The following MYO1D variants were observed in gnomAD, a reference collection of about 807,000 sequenced individuals.
MYO1D encodes unconventional myosin-Id.
Under a neutral mutation model 122.0 loss-of-function variants are expected in MYO1D, and 83 were observed. The ratio of observed to expected loss-of-function variants is 0.68; its 90% CI spans 0.57 to 0.82. MYO1D has a LOEUF of 0.82. Ranked by LOEUF, MYO1D falls within the 40% of genes least tolerant of loss-of-function variation. The pLI, the probability that MYO1D is intolerant of heterozygous loss-of-function variation, is 0.00. For synonymous variants in MYO1D, 464 were observed against 446.9 expected (o/e 1.04, Z -0.48); for missense variants, 1,157 against 1,269.5 (o/e 0.91, Z 1.35).
Position 32,760,449 on chromosome 17 carries a change from G to A in MYO1D, c.1181+33C>T, listed in dbSNP as rs770273662. The A allele has an allele frequency of 3.1e-6, 5 of 1,605,196 alleles. No individual in the cohort carries two copies. In the South Asian group the frequency reaches 3.3e-5, roughly 11 times the overall value. On this transcript the variant is annotated intron_variant, in intron 9 of 21. Transcript: ENST00000318217. ...TTAAGTTTCAACAAATAGAAAACAG[G>A]CAACAAGGTTTTAAGTATCTTTTCC...
intron 21 of MYO1D, among the ~76,000 whole-genome samples, chr17:32,541,061 T>C (rs1910826240): frequency 6.6e-6 from 1 of 152,270 alleles, no homozygotes; most frequent in South Asian, 2.1e-4. Flanking sequence ...GTTAAAGATA[T>C]GGTTTACTAT....
chr17:32,772,959 G>C (rs965797103), intron 4 of MYO1D, 117 bp from the exon 5 acceptor site: 1 of 769,026 alleles, frequency 1.3e-6, no homozygotes, highest in African/African-American at 1.7e-5. Flanking sequence ...TATACATCCA[G>C]ATGGCCTGAA....
intron 21 of MYO1D, among the ~76,000 whole-genome samples, chr17:32,552,060 T>A (rs1310502726): frequency 6.6e-6 from 1 of 152,204 alleles, no homozygotes; most frequent in Non-Finnish European, 1.5e-5. Context: ...GCAGTCAAGC[T>A]TTACTTATGC....
chr17:32,772,639 G>C, intron 5 of MYO1D, 150 bp downstream of exon 5: 1 of 657,980 alleles, frequency 1.5e-6, no homozygotes, highest in South Asian at 1.8e-5. Flanking sequence ...GGCAGGGCAT[G>C]TGGTGCGTGC....
Position 32,775,724 on chromosome 17 carries a change from T to C in MYO1D, c.564+140A>G, listed in dbSNP as rs146084672. The C allele has an allele frequency of 6.2e-5, 48 of 773,466 alleles. No individual in the cohort carries two copies. In the Admixed American group the frequency reaches 1.5e-3, roughly 24 times the overall value. The allele number at this position is 773,466 out of a possible 1,614,324, so 47.9% of individuals were successfully genotyped here. On this transcript the variant is annotated intron_variant, in intron 4 of 21. Transcript: ENST00000318217. ...CTAAGAAGAGAAGACAAAAGGAGAA[T>C]ACCTTATCATAAAAAGCTAATGAAG... is the stretch of plus-strand genomic sequence containing the variant.
chr17:32,836,165 T>C (rs2090820899), intron 1 of MYO1D, among the ~76,000 whole-genome samples: 1 of 152,232 alleles, frequency 6.6e-6, no homozygotes, highest in South Asian at 2.1e-4. Flanking sequence ...TTGCAACATA[T>C]AATATTTTTA....
chr17:32,554,926 C>G (rs2087054998), intron 21 of MYO1D, among the ~76,000 whole-genome samples: 1 of 152,134 alleles, frequency 6.6e-6, no homozygotes, highest in Non-Finnish European at 1.5e-5. Context: ...AGTATGCTCA[C>G]ACTTGGCTGG....
intron 21 of MYO1D, among the ~76,000 whole-genome samples, chr17:32,558,937 G>A (rs1341583034): frequency 6.6e-6 from 1 of 152,188 alleles, no homozygotes; most frequent in Non-Finnish European, 1.5e-5. Context: ...AGTAATAATA[G>A]GGCCCACCTT....
chr17:32,771,992 T>A (rs1167728605), intron 5 of MYO1D, among the ~76,000 whole-genome samples: 2 of 152,224 alleles, frequency 1.3e-5, no homozygotes, highest in African/African-American at 4.8e-5. Context: ...TATCAGATTT[T>A]AAAAATTGAT....
chr17:32,736,816 G>C (rs537584600), intron 14 of MYO1D, among the ~76,000 whole-genome samples: 1 of 152,252 alleles, frequency 6.6e-6, no homozygotes, highest in African/African-American at 2.4e-5. Context: ...CTTCCTTCCA[G>C]GTTCACTTTT....
intron 21 of MYO1D, among the ~76,000 whole-genome samples, chr17:32,546,318 C>T (rs569982517): frequency 6.6e-6 from 1 of 152,320 alleles, no homozygotes; most frequent in South Asian, 2.1e-4. Context: ...CATTCAGATG[C>T]TGATGCTATT....
intron 4 of MYO1D, among the ~76,000 whole-genome samples, chr17:32,773,991 C>T (rs567110317): frequency 6.6e-6 from 1 of 152,138 alleles, no homozygotes; most frequent in South Asian, 2.1e-4. Context: ...TCTACAGGAC[C>T]TCTCCCCTCC....
chr17:32,658,612 T>G (rs999175440), intron 17 of MYO1D: 1 of 152,440 alleles, frequency 6.6e-6, no homozygotes, highest in African/African-American at 2.4e-5. Flanking sequence ...CACTTTAAAA[T>G]CACGTGGGAA....
intron 1 of MYO1D, among the ~76,000 whole-genome samples, chr17:32,874,792 T>C (rs2091214832): frequency 6.6e-6 from 1 of 152,068 alleles, no homozygotes; most frequent in Admixed American, 6.6e-5. Context: ...TATAAATAAA[T>C]TGCAGCATTC....
At chr17:32,868,306 T>C (rs566159884) in intron 1 of MYO1D, among the ~76,000 whole-genome samples, 1 of 152,280 alleles carries the variant, frequency 6.6e-6, no homozygotes, top group East Asian at 1.9e-4. Flanking sequence ...CAAGAACACA[T>C]CATCTTTATA....
chr17:32,502,926 TA>T (rs1055902282), intron 21 of MYO1D, among the ~76,000 whole-genome samples: 5 of 152,156 alleles, frequency 3.3e-5, no homozygotes, highest in Non-Finnish European at 7.4e-5. Context: ...TGGGGAGGGA[TA>T]TTTTTTTTCC....
chr17:32,574,006 C>T (rs983976807), intron 21 of MYO1D, among the ~76,000 whole-genome samples: 21 of 152,120 alleles, frequency 1.4e-4, no homozygotes, highest in African/African-American at 1.7e-4. Flanking sequence ...GCGCCCGCCA[C>T]CTCGCCCGGC....
rs575633709 is a variant in MYO1D at position 32,795,915 on chromosome 17, AC to A, written c.96-15132del. ...CCATTTTAGGCCTCAGCCCGCCTGC[AC>A]CCAGGTGCTCATTAAAACAGCATGT... On this transcript the variant is annotated intron_variant, in intron 1 of 21. Transcript: ENST00000318217. Among the ~76,000 whole-genome samples, 48 of 152,084 alleles carry A rather than the reference AC, an allele frequency of 3.2e-4. No homozygotes were observed. The East Asian group carries it at 3.5e-3, about 11-fold the overall frequency.
intron 21 of MYO1D, among the ~76,000 whole-genome samples, chr17:32,585,860 A>G (rs868331005): frequency 6.6e-6 from 1 of 152,304 alleles, no homozygotes; most frequent in African/African-American, 2.4e-5. Flanking sequence ...TCAACATTCC[A>G]TATTTTTTTG....
Sources: allele counts gnomAD v4.1 joint callset (sites outside exome capture counted in the v4.1 genomes callset), GRCh38; gene constraint gnomAD v4.1.1; transcripts MANE v1.5; gene names NCBI Gene and HGNC (gene_info 2026-07-23, HGNC 2026-07-21).